ZDHHC3: variants seen among roughly 807,000 people sequenced by gnomAD.
The protein encoded by ZDHHC3 is palmitoyltransferase ZDHHC3.
ZDHHC3 carries 9 observed loss-of-function variants against 30.6 expected under a neutral mutation model. The ratio of observed to expected loss-of-function variants is 0.29; its 90% CI spans 0.18 to 0.51. The LOEUF is 0.51. Ranked by LOEUF, ZDHHC3 falls within the 20% of genes least tolerant of loss-of-function variation. The pLI is 0.97. For missense variants in ZDHHC3, 246 were observed against 384.2 expected, an observed-to-expected ratio of 0.64 and a Z score of 3.01; for synonymous variants, 136 against 140.2, an observed-to-expected ratio of 0.97 and a Z score of 0.21.
rs1700314561 is a variant in ZDHHC3, at chr3:44,918,099, C to A, written c.*8590G>T. 1 of 1,305,320 alleles carries A rather than the reference C, an allele frequency of 7.7e-7. No individual in the cohort carries two copies. Among genetic ancestry groups the A allele is most frequent in the Non-Finnish European group, 1.0e-6 (1 of 988,958 alleles). 80.9% of individuals were successfully genotyped at this position (1,305,320 alleles called of 1,614,324 possible). A position where few individuals can be genotyped will look rare whatever the true frequency, so the allele number is the denominator to read the frequency against. On this transcript the variant is annotated 3_prime_UTR_variant, in exon 7 of 7. Coordinates refer to ENST00000424952, the MANE Select transcript of ZDHHC3 (RefSeq NM_001135179.2). ...TCTCCTTTACTGACTGCCAGCTCCC[C>A]ATGTGCTCCCTGGGCTGGTTCTTTC...
At chr3:44,971,549 G>C (rs1705405263) in intron 1 of ZDHHC3, among the ~76,000 whole-genome samples, 1 of 152,218 alleles carries the variant, frequency 6.6e-6, no homozygotes, top group Non-Finnish European at 1.5e-5. Context: ...TCAACACTGA[G>C]ACATCACCCC....
intron 5 of ZDHHC3, among the ~76,000 whole-genome samples, chr3:44,930,569 G>C (rs1283601618): frequency 1.3e-5 from 2 of 152,250 alleles, no homozygotes; most frequent in Non-Finnish European, 2.9e-5. Flanking sequence ...GGAATTAAGG[G>C]AGTAAGCACT....
At chr3:44,953,210 T>C (rs1382527615) in intron 2 of ZDHHC3, among the ~76,000 whole-genome samples, 1 of 152,224 alleles carries the variant, frequency 6.6e-6, no homozygotes, top group Non-Finnish European at 1.5e-5. Flanking sequence ...GTGGCAGAAG[T>C]AGGGTTCTGA....
chr3:44,971,252 C>T (rs1409568481), intron 1 of ZDHHC3, among the ~76,000 whole-genome samples: 2 of 152,184 alleles, frequency 1.3e-5, no homozygotes, highest in Admixed American at 6.5e-5. Flanking sequence ...TCATATCTTG[C>T]CAAGAGTTCA....
chr3:44,918,104 G>A lies in ZDHHC3; in HGVS notation c.*8585C>T. On this transcript the variant is annotated 3_prime_UTR_variant, in exon 7 of 7. Coordinates refer to ENST00000424952, the MANE Select transcript of ZDHHC3 (RefSeq NM_001135179.2). ...TTTACTGACTGCCAGCTCCCCATGT[G>A]CTCCCTGGGCTGGTTCTTTCGTTTG... The A allele has an allele frequency of 3.8e-6, 5 of 1,305,354 alleles. No individual in the cohort carries two copies. Among genetic ancestry groups the A allele is most frequent in the Non-Finnish European group, 5.1e-6 (5 of 988,900 alleles). The allele number at this position is 1,305,354 out of a possible 1,614,324, so 80.9% of individuals were successfully genotyped here. A position where few individuals can be genotyped will look rare whatever the true frequency, so the allele number is the denominator to read the frequency against.
At chr3:44,940,556 G>C (rs1186553018) in intron 3 of ZDHHC3, among the ~76,000 whole-genome samples, 1 of 152,202 alleles carries the variant, frequency 6.6e-6, no homozygotes, top group African/African-American at 2.4e-5. Flanking sequence ...CAGGGACCAA[G>C]TGTGCAAAAA....
Position 44,975,975 on chromosome 3 carries a change from G to C in ZDHHC3, c.-67C>G, listed in dbSNP as rs992016342. The C allele has an allele frequency of 1.9e-5, 6 of 315,046 alleles. No homozygotes were observed. The highest frequency in any genetic ancestry group is 1.1e-4 in the African/African-American group (5 of 45,964). The allele number at this position is 315,046 out of a possible 1,614,324, so 19.5% of individuals were successfully genotyped here. A position where few individuals can be genotyped will look rare whatever the true frequency, so the allele number is the denominator to read the frequency against. On this transcript the variant is annotated 5_prime_UTR_variant, in exon 1 of 7. Coordinates refer to ENST00000424952, the MANE Select transcript of ZDHHC3 (RefSeq NM_001135179.2). Reference sequence around the variant, plus strand: ...TTCCCCAGTCCCAGACCCCGGTGGGGCTCCCGCCGCCGCCGCCGCTGCCTT... The same window carrying C: ...TTCCCCAGTCCCAGACCCCGGTGGGCCTCCCGCCGCCGCCGCCGCTGCCTT...
chr3:44,922,143 C>A lies in ZDHHC3; in HGVS notation c.*4546G>T. The A allele has an allele frequency of 1.0e-6, 1 of 985,442 alleles. No homozygotes were observed. The highest frequency in any genetic ancestry group is 1.2e-6 in the Non-Finnish European group (1 of 829,934). 61.0% of individuals were successfully genotyped at this position (985,442 alleles called of 1,614,324 possible). A position where few individuals can be genotyped will look rare whatever the true frequency, so the allele number is the denominator to read the frequency against. On this transcript the variant is annotated 3_prime_UTR_variant, in exon 7 of 7. Transcript: ENST00000424952. ...GTTTCTGCTTCACTGTGAATTCTTT[C>A]TCTTCTATGAGGTGATCCTAAGCCA...
chr3:44,966,922 C>T (rs559530633), intron 1 of ZDHHC3, among the ~76,000 whole-genome samples: 1 of 152,280 alleles, frequency 6.6e-6, no homozygotes, highest in South Asian at 2.1e-4. Flanking sequence ...TTATCTTCTG[C>T]GGCACACCCT....
intron 1 of ZDHHC3, among the ~76,000 whole-genome samples, chr3:44,966,042 G>C (rs1704924300): frequency 6.6e-6 from 1 of 152,196 alleles, no homozygotes; most frequent in Non-Finnish European, 1.5e-5. Context: ...GTATGAAATA[G>C]CTGTATACAG....
intron 6 of ZDHHC3, among the ~76,000 whole-genome samples, chr3:44,927,094 G>A (rs1044682811): frequency 5.3e-5 from 8 of 152,198 alleles, no homozygotes; most frequent in African/African-American, 1.9e-4. Context: ...CGCAGAAACT[G>A]CTGCTTGTAA....
At position 44,924,874 on chromosome 3, in the gene ZDHHC3, C is replaced by G. The variant is rs1291172901; in HGVS notation, c.*1815G>C. On this transcript the variant is annotated 3_prime_UTR_variant, in exon 7 of 7. Coordinates refer to ENST00000424952, the MANE Select transcript of ZDHHC3 (RefSeq NM_001135179.2). ...CTTAGCATCTCAGCCTCGCCCGTAT[C>G]GCATGAATAGCACCGTAGACACGAG... 7 of 985,428 alleles carry G rather than the reference C, an allele frequency of 7.1e-6. No homozygotes were observed. Among genetic ancestry groups the G allele is most frequent in the Middle Eastern group, 5.2e-4 (1 of 1,936 alleles). 61.0% of individuals were successfully genotyped at this position (985,428 alleles called of 1,614,324 possible).
Position 44,921,640 on chromosome 3 carries a change from A to G in ZDHHC3, c.*5049T>C. 1.0e-6 allele frequency: 1 copy of G among 980,672 alleles called. No homozygotes were observed. Among genetic ancestry groups the G allele is most frequent in the Non-Finnish European group, 1.2e-6 (1 of 825,566 alleles). 60.7% of individuals were successfully genotyped at this position (980,672 alleles called of 1,614,324 possible). Reference sequence around the variant, plus strand: ...AAGCCATACCAGGGCCAGACGCTATACATTCCTATTCATCACCCTCATTTA... The same window carrying G: ...AAGCCATACCAGGGCCAGACGCTATGCATTCCTATTCATCACCCTCATTTA... On this transcript the variant is annotated 3_prime_UTR_variant, in exon 7 of 7. Coordinates refer to ENST00000424952, the MANE Select transcript of ZDHHC3 (RefSeq NM_001135179.2).
intron 2 of ZDHHC3, among the ~76,000 whole-genome samples, chr3:44,951,163 T>C (rs967548285): frequency 1.3e-5 from 2 of 152,254 alleles, no homozygotes; most frequent in Admixed American, 6.5e-5. Flanking sequence ...AAAAAATCTA[T>C]AGGCTCATAA....
At position 44,916,345 on chromosome 3, in the gene ZDHHC3, T is replaced by C. The variant is rs2125767461; in HGVS notation, c.*10344A>G. ...CTTCACAGAGTGTCCAAAGATGCTG[T>C]CCAAGAACCAGGATGCTGCTTGGCT... On this transcript the variant is annotated 3_prime_UTR_variant, in exon 7 of 7. Transcript: ENST00000424952. 6.6e-6 allele frequency: 1 copy of C among 152,346 alleles called. No individual in the cohort carries two copies. The highest frequency in any genetic ancestry group is 2.1e-4 in the South Asian group (1 of 4,830). 9.4% of individuals were successfully genotyped at this position (152,346 alleles called of 1,614,324 possible).
rs1163057741 is a variant in ZDHHC3, at chr3:44,975,766, T to TCACACA, written c.-25+166_-25+167insTGTGTG. 5.1e-3 allele frequency among the ~76,000 whole-genome samples: 738 copies of TCACACA among 144,302 alleles called. 11 individuals carry two copies. The highest frequency in any genetic ancestry group is 0.019 in the African/African-American group (669 of 36,060). 94.7% of individuals were successfully genotyped at this position (144,302 alleles called of 152,430 possible). ...GTCGGGGTCTCTCTCTCTCTCTCTC[T>TCACACA]CTCTCTCACACACACACACACACAC... On this transcript the variant is annotated intron_variant, in intron 1 of 6. Transcript: ENST00000424952.
At chr3:44,946,548 C>CA (rs1702952149) in intron 2 of ZDHHC3, among the ~76,000 whole-genome samples, 1 of 152,172 alleles carries the variant, frequency 6.6e-6, no homozygotes, top group African/African-American at 2.4e-5. Context: ...AAAGAGGTTA[C>CA]ATGCTGTGGA....
At chr3:44,957,115 T>A (rs1704019820) in intron 2 of ZDHHC3, among the ~76,000 whole-genome samples, 2 of 152,190 alleles carry the variant, frequency 1.3e-5, no homozygotes, top group Admixed American at 1.3e-4. Flanking sequence ...AGGCACCACC[T>A]CAGAGATGAC....
At chr3:44,975,768 T>TCACACACACACA (rs1392636735) in intron 1 of ZDHHC3, among the ~76,000 whole-genome samples, 165 bp downstream of exon 1, 5 of 140,880 alleles carry the variant, frequency 3.5e-5, no homozygotes, top group South Asian at 4.5e-4. Flanking sequence ...TCTCTCTCTC[T>TCACACACACACA]CTCTCACACA....
Sources: gnomAD v4.1 joint callset for allele counts (sites outside exome capture counted in the v4.1 genomes callset) on GRCh38, gnomAD v4.1.1 for gene constraint, MANE v1.5 for transcripts, NCBI Gene and HGNC (gene_info 2026-07-23, HGNC 2026-07-21) for gene names.